The following TEX2 variants were observed in gnomAD, a reference collection of about 807,000 sequenced individuals.
TEX2 encodes testis expressed 2.
A neutral mutation model predicts 106.9 loss-of-function variants in TEX2; 53 were observed. The ratio of observed to expected loss-of-function variants is 0.50; its 90% CI spans 0.40 to 0.62. The LOEUF (loss-of-function observed/expected upper bound fraction) is 0.62, where lower values mean the gene tolerates loss of function less well. TEX2 is among the 20% of genes least tolerant of loss of function. The probability of loss-of-function intolerance (pLI) is 0.00; values close to 1 mark genes in which losing one functional copy is unlikely to be tolerated. For missense variants in TEX2, 1,207 were observed against 1,379.0 expected (o/e 0.88, Z 1.98); for synonymous variants, 523 against 534.8 (o/e 0.98, Z 0.30).
At chr17:64,191,808 A>G (rs1483737459) in intron 4 of TEX2, among the ~76,000 whole-genome samples, 1 of 120,058 alleles carries the variant, frequency 8.3e-6, no homozygotes, top group Non-Finnish European at 1.7e-5. Flanking sequence ...ACAAAGCTAG[A>G]CTCCATCTCA....
chr17:64,172,439 A>C (rs2143744798), intron 6 of TEX2, among the ~76,000 whole-genome samples: 1 of 151,818 alleles, frequency 6.6e-6, no homozygotes, highest in Middle Eastern at 3.5e-3. Flanking sequence ...CTCTATCCCC[A>C]GTGGTTGGTC....
rs1253424167 is a variant in TEX2, at chr17:64,185,596, CAG to C, written c.2424+2570_2424+2571del. Among the ~76,000 whole-genome samples the C allele has an allele frequency of 2.0e-5, 3 of 151,890 alleles. No homozygotes were observed. Among genetic ancestry groups the C allele is most frequent in the African/African-American group, 7.3e-5 (3 of 41,310 alleles). ...CACCACTGCACTCCAGTCTGGGCGA[CAG>C]AGTGAGACTCCAACTAAAAAAAGAA... On this transcript the variant is annotated intron_variant, in intron 5 of 11. Coordinates refer to ENST00000584379, the MANE Select transcript of TEX2 (RefSeq NM_001288732.2). This position sits in a 1 kb window ranked among gnomAD's most constrained non-coding sequence, Gnocchi z 4.0.
intron 2 of TEX2, among the ~76,000 whole-genome samples, chr17:64,197,868 A>G (rs182202286): frequency 3.9e-5 from 6 of 152,232 alleles, no homozygotes; most frequent in African/African-American, 1.2e-4. Flanking sequence ...CCATCCTCTA[A>G]CAAGCTTTTA....
At chr17:64,152,811 C>T in intron 10 of TEX2, 134 bp downstream of exon 10, 1 of 757,876 alleles carries the variant, frequency 1.3e-6, no homozygotes, top group African/African-American at 1.8e-5. Context: ...ATATTAAGGT[C>T]CCATGAAAAT....
intron 1 of TEX2, among the ~76,000 whole-genome samples, chr17:64,254,127 G>A (rs2034142020): frequency 6.6e-6 from 1 of 152,120 alleles, no homozygotes; most frequent in East Asian, 1.9e-4. Flanking sequence ...AATGCAACAA[G>A]CAGCTTGAGT....
rs2032794780 is a variant in TEX2 at position 64,205,267 on chromosome 17, A to C, written c.1644+7307T>G. On this transcript the variant is annotated intron_variant, in intron 2 of 11. Coordinates refer to ENST00000584379, the MANE Select transcript of TEX2 (RefSeq NM_001288732.2). The surrounding 1 kb of genome is among the most constrained non-coding windows in gnomAD (Gnocchi z 4.0). The stretch of plus-strand genomic sequence containing the variant: ...GGGAGGCAGAGGTTGCAGTGAGCCA[A>C]GATTGTGCCACTGCACTCTAGCCTG... Among the ~76,000 whole-genome samples the C allele has an allele frequency of 6.6e-6, 1 of 152,228 alleles. No individual in the cohort carries two copies. The highest frequency in any genetic ancestry group is 1.5e-5 in the Non-Finnish European group (1 of 68,048).
intron 1 of TEX2, among the ~76,000 whole-genome samples, chr17:64,225,383 T>C (rs1468721057): frequency 6.6e-6 from 1 of 152,160 alleles, no homozygotes; most frequent in African/African-American, 2.4e-5. Flanking sequence ...AGAGGGACGT[T>C]AACTGCTACC....
chr17:64,183,906 C>G (rs1424306776), intron 5 of TEX2, among the ~76,000 whole-genome samples: 3 of 151,024 alleles, frequency 2.0e-5, no homozygotes, highest in African/African-American at 7.3e-5. Context: ...GTTGGGATTA[C>G]AAGTGTGAGC....
chr17:64,238,567 C>A (rs782604994), intron 1 of TEX2, among the ~76,000 whole-genome samples: 1 of 152,230 alleles, frequency 6.6e-6, no homozygotes, highest in South Asian at 2.1e-4. Flanking sequence ...GGGAAACTTA[C>A]AATCACGGCA....
intron 5 of TEX2, among the ~76,000 whole-genome samples, chr17:64,181,471 TCAAAAAA>T (rs1423684060): frequency 1.5e-4 from 18 of 117,430 alleles, no homozygotes; most frequent in South Asian, 5.4e-4. Context: ...CAAGGCTATC[TCAAAAAA>T]AAAAAAAAAA....
chr17:64,211,288 C>T (rs1050430392), intron 2 of TEX2, among the ~76,000 whole-genome samples: 1 of 152,118 alleles, frequency 6.6e-6, no homozygotes, highest in Non-Finnish European at 1.5e-5. Flanking sequence ...AGCAAGACAC[C>T]TTGGACAATG....
intron 5 of TEX2, among the ~76,000 whole-genome samples, chr17:64,179,421 C>A (rs1348749295): frequency 6.6e-6 from 1 of 152,240 alleles, no homozygotes; most frequent in Non-Finnish European, 1.5e-5. Context: ...CCCTAGCCAG[C>A]AGCAGCGGCA....
intron 1 of TEX2, among the ~76,000 whole-genome samples, chr17:64,258,841 C>T (rs932246757): frequency 2.6e-5 from 4 of 151,916 alleles, no homozygotes; most frequent in African/African-American, 7.2e-5. Flanking sequence ...CTCACTGCAA[C>T]CTCTACCTCC....
chr17:64,222,631 TAAAC>T (rs2033392123), intron 1 of TEX2, among the ~76,000 whole-genome samples: 1 of 150,536 alleles, frequency 6.6e-6, no homozygotes, highest in Non-Finnish European at 1.5e-5. Context: ...TTTTAAAAAA[TAAAC>T]AAATAATATA....
intron 2 of TEX2, among the ~76,000 whole-genome samples, chr17:64,198,640 C>CTTAGAGGCTA (rs782053453): frequency 6.6e-6 from 1 of 151,964 alleles, no homozygotes; most frequent in Non-Finnish European, 1.5e-5. Context: ...TGTGATACTG[C>CTTAGAGGCTA]CTTCGTCCAT....
Position 64,152,959 on chromosome 17 carries a change from C to T in TEX2, c.3126G>A (p.Pro1042=), listed in dbSNP as rs374329912. ...GTLAVNIPPP[P]TDRVWYGFRK... ...CCTCTACGCACCATACTCGGTCAGT[C>T]GGGGGTGGTGGAATGTTGACCGCCA... The change falls in exon 10 of 12, where the codon CCG becomes CCA. Residue 1042 remains proline, a synonymous_variant. Transcript: ENST00000584379. The T allele has an allele frequency of 2.3e-5, 37 of 1,613,904 alleles. No individual in the cohort carries two copies. The highest frequency in any genetic ancestry group is 2.7e-5 in the African/African-American group (2 of 74,884).
chr17:64,163,041 C>T (rs1357644168), intron 7 of TEX2, among the ~76,000 whole-genome samples: 1 of 152,182 alleles, frequency 6.6e-6, no homozygotes, highest in Admixed American at 6.5e-5. Flanking sequence ...GTTTTAAACA[C>T]TGAATATACC....
Position 64,148,016 on chromosome 17 carries a change from ACT to A in TEX2, c.*951_*952del, listed in dbSNP as rs2030136919. On this transcript the variant is annotated 3_prime_UTR_variant, in exon 12 of 12. Coordinates refer to ENST00000584379, the MANE Select transcript of TEX2 (RefSeq NM_001288732.2). Reference sequence around the variant, plus strand: ...GATGCTGAGCAAACTTTTGGTCTTGACTCTTGAAATAATTAAAGAGAGCAGTT... The same window carrying A: ...GATGCTGAGCAAACTTTTGGTCTTGACTTGAAATAATTAAAGAGAGCAGTT... The A allele has an allele frequency of 6.6e-6, 1 of 152,392 alleles. No individual in the cohort carries two copies. The highest frequency in any genetic ancestry group is 2.4e-5 in the African/African-American group (1 of 41,360). 9.4% of individuals were successfully genotyped at this position (152,392 alleles called of 1,614,324 possible). A position where few individuals can be genotyped will look rare whatever the true frequency, so the allele number is the denominator to read the frequency against.
intron 1 of TEX2, among the ~76,000 whole-genome samples, chr17:64,239,875 C>CAAAAAAAAAAAAAAAA (rs61705973): frequency 3.4e-5 from 1 of 29,634 alleles, no homozygotes; most frequent in African/African-American, 1.4e-4. Context: ...GACTCTGTCT[C>CAAAAAAAAAAAAAAAA]AAAAAAAAAA....
Sources: gnomAD v4.1 joint callset for allele counts (sites outside exome capture counted in the v4.1 genomes callset) on GRCh38, gnomAD v4.1.1 for gene constraint, Gnocchi (gnomAD v3.1) non-coding constraint, MANE v1.5 for transcripts, NCBI Gene and HGNC (gene_info 2026-07-23, HGNC 2026-07-21) for gene names.